Variants in MICU1 observed in about 807,000 individuals in gnomAD.
MICU1 encodes calcium uptake protein 1, mitochondrial.
In MICU1, 45 loss-of-function variants were observed where a neutral mutation model predicts 56.8. That is an observed-to-expected ratio of 0.79 (90% CI 0.62 to 1.02). The LOEUF (loss-of-function observed/expected upper bound fraction) is 1.02, where lower values mean the gene tolerates loss of function less well. Ranked by LOEUF, MICU1 falls within the 50% of genes least tolerant of loss-of-function variation. The pLI, the probability that MICU1 is intolerant of heterozygous loss-of-function variation, is 0.00. For synonymous variants in MICU1, 186 were observed against 195.1 expected, an observed-to-expected ratio of 0.95 and a Z score of 0.39; for missense variants, 504 against 587.1, an observed-to-expected ratio of 0.86 and a Z score of 1.46.
In MICU1 at chr10:72,603,106, G is replaced by A. The variant is rs768050748; in HGVS notation, c.-2+22904C>T. On this transcript the variant is annotated intron_variant, in intron 1 of 11. Coordinates refer to ENST00000361114, the MANE Select transcript of MICU1 (RefSeq NM_001195518.2). ...GATCATGCCACTGACTCTGTTCCCGGCTGGGAACAGTGGCTCACGCCTGTA... is the reference window on the plus strand; with the variant it reads ...GATCATGCCACTGACTCTGTTCCCGACTGGGAACAGTGGCTCACGCCTGTA... 1.6e-3 allele frequency among the ~76,000 whole-genome samples: 247 copies of A among 152,104 alleles called. 5 individuals are homozygous for A. The highest frequency in any genetic ancestry group is 2.9e-4 in the Non-Finnish European group (20 of 68,006).
At chr10:72,516,686 T>C (rs1027708003) in intron 5 of MICU1, among the ~76,000 whole-genome samples, 2 of 152,208 alleles carry the variant, frequency 1.3e-5, no homozygotes, top group African/African-American at 4.8e-5. Context: ...ATTTATTAAA[T>C]AGGGAATCCT....
At chr10:72,406,930 T>C (rs1249364861) in intron 10 of MICU1, among the ~76,000 whole-genome samples, 1 of 152,172 alleles carries the variant, frequency 6.6e-6, no homozygotes, top group Non-Finnish European at 1.5e-5. Context: ...CCTGACTATA[T>C]TCATACAATG....
At chr10:72,403,273 G>A (rs1863516958) in intron 10 of MICU1, among the ~76,000 whole-genome samples, 1 of 152,032 alleles carries the variant, frequency 6.6e-6, no homozygotes, top group Non-Finnish European at 1.5e-5. Context: ...GCAGAGAACT[G>A]CTTGAATCTG....
chr10:72,586,651 CAA>C (rs766455279), intron 1 of MICU1, among the ~76,000 whole-genome samples: 3 of 125,632 alleles, frequency 2.4e-5, no homozygotes, highest in Non-Finnish European at 3.4e-5. Context: ...GACTCCATCT[CAA>C]AAAAAAAAAA....
chr10:72,392,954 C>T (rs1863127481), intron 10 of MICU1, among the ~76,000 whole-genome samples: 1 of 152,220 alleles, frequency 6.6e-6, no homozygotes, highest in Non-Finnish European at 1.5e-5. Flanking sequence ...TCTGTGCACA[C>T]CTCAGCAGGT....
rs71018292 is a variant in MICU1 at position 72,456,946 on chromosome 10, G to GGTGTGTGT, written c.933+18146_933+18153dup. 3.3e-3 allele frequency among the ~76,000 whole-genome samples: 387 copies of GGTGTGTGT among 117,784 alleles called. 7 individuals are homozygous for GGTGTGTGT. The highest frequency in any genetic ancestry group is 0.011 in the African/African-American group (337 of 31,242). 77.3% of individuals were successfully genotyped at this position (117,784 alleles called of 152,430 possible). On this transcript the variant is annotated intron_variant, in intron 8 of 11. Transcript: ENST00000361114. ...AAACGAGATCTCACTATATTGCCCA[G>GGTGTGTGT]GTGTGTGTGTGTGTGTGTGTGTGTG...
At chr10:72,493,693 GCGTT>G (rs1210171715) in intron 6 of MICU1, among the ~76,000 whole-genome samples, 3 of 152,230 alleles carry the variant, frequency 2.0e-5, no homozygotes, top group Non-Finnish European at 4.4e-5. Context: ...CTGGGCTCAA[GCGTT>G]CTGCCCGCCT....
At chr10:72,613,990 C>CA (rs1841918005) in intron 1 of MICU1, among the ~76,000 whole-genome samples, 1 of 151,890 alleles carries the variant, frequency 6.6e-6, no homozygotes. Flanking sequence ...ATTAAAAATA[C>CA]AAAAAAATTA....
intron 8 of MICU1, among the ~76,000 whole-genome samples, chr10:72,462,964 G>A (rs1448318067): frequency 6.6e-6 from 1 of 152,086 alleles, no homozygotes; most frequent in Non-Finnish European, 1.5e-5. Context: ...AAAATCCTGG[G>A]GATTGACAAA....
chr10:72,440,038 G>GA (rs1353695096), intron 8 of MICU1, among the ~76,000 whole-genome samples: 1 of 151,860 alleles, frequency 6.6e-6, no homozygotes, highest in Non-Finnish European at 1.5e-5. Context: ...CACAGAACTG[G>GA]AAAAAACTAC....
intron 8 of MICU1, among the ~76,000 whole-genome samples, chr10:72,461,380 A>G (rs1865633609): frequency 6.6e-6 from 1 of 152,222 alleles, no homozygotes; most frequent in Non-Finnish European, 1.5e-5. Context: ...TGAATTTCAG[A>G]GTTAGAATTG....
At chr10:72,491,433 G>A (rs1306568175) in intron 6 of MICU1, among the ~76,000 whole-genome samples, 1 of 152,118 alleles carries the variant, frequency 6.6e-6, no homozygotes, top group Non-Finnish European at 1.5e-5. Context: ...TTAAAAGGAG[G>A]CACTCAAAAT....
chr10:72,539,602 A>C (rs1564925510), intron 4 of MICU1, among the ~76,000 whole-genome samples: 1 of 152,162 alleles, frequency 6.6e-6, no homozygotes, highest in Non-Finnish European at 1.5e-5. Context: ...CTAAGAGGGA[A>C]GTTGATAACA....
At chr10:72,389,585 G>C (rs1863001338) in intron 10 of MICU1, among the ~76,000 whole-genome samples, 1 of 152,184 alleles carries the variant, frequency 6.6e-6, no homozygotes, top group Non-Finnish European at 1.5e-5. Context: ...AAGTAGAATT[G>C]TGCAGGGGCG....
chr10:72,616,906 CTCTG>C (rs1473059632), intron 1 of MICU1, among the ~76,000 whole-genome samples: 1 of 152,216 alleles, frequency 6.6e-6, no homozygotes, highest in Non-Finnish European at 1.5e-5. Flanking sequence ...AACTATTGTG[CTCTG>C]TCTGGGTTCC....
At chr10:72,419,347 G>A (rs1864083119) in intron 9 of MICU1, among the ~76,000 whole-genome samples, 3 of 152,144 alleles carry the variant, frequency 2.0e-5, no homozygotes, top group Admixed American at 2.0e-4. Context: ...AGTGCTCTAT[G>A]GGAGATAAAT....
At chr10:72,400,113 G>T in intron 10 of MICU1, among the ~76,000 whole-genome samples, 1 of 152,126 alleles carries the variant, frequency 6.6e-6, no homozygotes, top group East Asian at 1.9e-4. Flanking sequence ...AAAGCCACAT[G>T]TATTTTTGGA....
chr10:72,376,736 ATAC>A (rs1395266011), intron 10 of MICU1, among the ~76,000 whole-genome samples: 8 of 152,160 alleles, frequency 5.3e-5, no homozygotes, highest in Admixed American at 2.0e-4. Flanking sequence ...TGCTTTATGT[ATAC>A]AGAATTTCTG....
intron 8 of MICU1, among the ~76,000 whole-genome samples, chr10:72,427,349 G>C (rs1469432952): frequency 6.6e-6 from 1 of 152,146 alleles, no homozygotes; most frequent in Non-Finnish European, 1.5e-5. Flanking sequence ...CACGTATCTG[G>C]ATGAAATGAC....
Sources: gnomAD v4.1 joint callset for allele counts (sites outside exome capture counted in the v4.1 genomes callset) on GRCh38, gnomAD v4.1.1 for gene constraint, MANE v1.5 for transcripts, NCBI Gene and HGNC (gene_info 2026-07-23, HGNC 2026-07-21) for gene names.